The following NME8 variants were observed in gnomAD, a reference collection of about 807,000 sequenced individuals.
NME8 encodes NME/NM23 family member 8.
Under a neutral mutation model 82.3 loss-of-function variants are expected in NME8, and 72 were observed. That is an observed-to-expected ratio of 0.87 (90% confidence interval 0.72 to 1.06). The LOEUF (loss-of-function observed/expected upper bound fraction) is 1.06, where lower values mean the gene tolerates loss of function less well. Ranked by LOEUF, NME8 falls within the 50% of genes least tolerant of loss-of-function variation. The pLI is 0.00. For synonymous variants in NME8, 267 were observed against 228.5 expected (o/e 1.17, Z -1.52); for missense variants, 712 against 685.4 (o/e 1.04, Z -0.43).
At chr7:37,868,105 G>A (rs546530109) in intron 11 of NME8, among the ~76,000 whole-genome samples, 2 of 152,356 alleles carry the variant, frequency 1.3e-5, no homozygotes, top group Middle Eastern at 3.4e-3. Context: ...TAGTTGGCTT[G>A]TGGGTTGTAG....
intron 7 of NME8, among the ~76,000 whole-genome samples, chr7:37,862,982 T>G (rs1475239562): frequency 6.6e-6 from 1 of 151,976 alleles, no homozygotes; most frequent in Non-Finnish European, 1.5e-5. Flanking sequence ...TAGCCGGGCA[T>G]GGTGGCAGGT....
chr7:37,875,793 A>T (rs1357381751), intron 11 of NME8, among the ~76,000 whole-genome samples: 1 of 152,144 alleles, frequency 6.6e-6, no homozygotes, highest in East Asian at 1.9e-4. Flanking sequence ...CCACCAACAT[A>T]ACGGCTAAGT....
intron 15 of NME8, among the ~76,000 whole-genome samples, chr7:37,892,690 G>A (rs779971944): frequency 6.6e-6 from 1 of 151,828 alleles, no homozygotes; most frequent in Non-Finnish European, 1.5e-5. Flanking sequence ...TAGACACCTA[G>A]TTTATTTCTG....
chr7:37,867,805 C>G lies in NME8; in HGVS notation c.725C>G (p.Pro242Arg). 1 of 1,613,892 alleles carries G rather than the reference C, an allele frequency of 6.2e-7. No individual in the cohort carries two copies. ...KHNPPSEETE[P>R]QTDTEPNERS... ...AATCCTCCCTCTGAAGAAACCGAAC[C>G]ACAGACTGACACCGAACCTAACGAA... The change falls in exon 11 of 18, where the codon CCA (proline) becomes CGA (arginine). Residue 242 changes from proline (P) to arginine (R), a missense_variant. Pro to Arg is a moderately radical substitution (Grantham distance 103). Transcript: ENST00000199447.
chr7:37,852,821 A>G (rs1784455673), intron 5 of NME8, among the ~76,000 whole-genome samples: 1 of 152,226 alleles, frequency 6.6e-6, no homozygotes, highest in Non-Finnish European at 1.5e-5. Flanking sequence ...TTGTATGAAC[A>G]TACTACACTT....
intron 12 of NME8, among the ~76,000 whole-genome samples, chr7:37,878,791 C>A (rs887686199): frequency 4.8e-4 from 73 of 152,280 alleles, no homozygotes; most frequent in African/African-American, 1.7e-3. Flanking sequence ...CATATACCTG[C>A]TCCCTCCCAC....
At chr7:37,882,641 A>AAG (rs141008493) in intron 12 of NME8, among the ~76,000 whole-genome samples, 1 of 125,054 alleles carries the variant, frequency 8.0e-6, no homozygotes, top group South Asian at 2.7e-4. Flanking sequence ...GAAAGAAAGA[A>AAG]AGAGAAAGAA....
chr7:37,848,740 G>A lies in NME8; in HGVS notation c.-241+12G>A, dbSNP rs946612452. 2 of 152,322 alleles carry A rather than the reference G, an allele frequency of 1.3e-5. No individual in the cohort carries two copies. Among genetic ancestry groups the A allele is most frequent in the African/African-American group, 2.4e-5 (1 of 41,470 alleles). The allele number at this position is 152,322 out of a possible 1,614,324, so 9.4% of individuals were successfully genotyped here. On this transcript the variant is annotated intron_variant, in intron 1 of 17. Transcript: ENST00000199447. ...TCCCCACTGCCCAGGTATAGCTGCT[G>A]TCTGGAGCAGGGGCCTCGAGACGCC...
intron 11 of NME8, among the ~76,000 whole-genome samples, chr7:37,874,939 C>T (rs1346366164): frequency 1.3e-5 from 2 of 152,030 alleles, no homozygotes; most frequent in African/African-American, 2.4e-5. Flanking sequence ...ATTAATATCA[C>T]CAATAATGGG....
intron 12 of NME8, among the ~76,000 whole-genome samples, chr7:37,882,035 C>T (rs1434697907): frequency 6.6e-6 from 1 of 152,102 alleles, no homozygotes; most frequent in Non-Finnish European, 1.5e-5. Flanking sequence ...GTGGTTGTGG[C>T]TTGATTTATT....
At chr7:37,865,242 T>C (rs985726687) in intron 9 of NME8, among the ~76,000 whole-genome samples, 4 of 152,108 alleles carry the variant, frequency 2.6e-5, no homozygotes, top group African/African-American at 7.2e-5. Flanking sequence ...CTAGATACAA[T>C]AGGGGTGCAG....
intron 12 of NME8, among the ~76,000 whole-genome samples, chr7:37,881,650 T>C (rs7786614): frequency 0.47 from 71,105 of 151,976 alleles, 17,058 homozygotes; most frequent in East Asian, 0.74. Context: ...TTATGGTAAG[T>C]CTGGCCTCAT....
intron 15 of NME8, among the ~76,000 whole-genome samples, chr7:37,892,911 C>G (rs1361593589): frequency 1.3e-5 from 2 of 151,914 alleles, no homozygotes; most frequent in Non-Finnish European, 2.9e-5. Context: ...CTCCCTTCCT[C>G]TTTCTCTTTC....
intron 12 of NME8, among the ~76,000 whole-genome samples, chr7:37,880,602 T>A (rs1784929608): frequency 6.6e-6 from 1 of 152,302 alleles, no homozygotes; most frequent in South Asian, 2.1e-4. Flanking sequence ...GTTCTTCTCC[T>A]TCAATACTGT....
intron 16 of NME8, among the ~76,000 whole-genome samples, chr7:37,895,005 A>G (rs999340208): frequency 2.6e-5 from 4 of 152,068 alleles, no homozygotes; most frequent in Non-Finnish European, 4.4e-5. Context: ...TTGTTGCCTG[A>G]GTTTCCTTAT....
intron 11 of NME8, among the ~76,000 whole-genome samples, chr7:37,874,620 G>C (rs572240105): frequency 6.6e-6 from 1 of 151,816 alleles, no homozygotes; most frequent in Non-Finnish European, 1.5e-5. Flanking sequence ...GAAAAAAGAA[G>C]AAACCTCAAT....
intron 6 of NME8, among the ~76,000 whole-genome samples, chr7:37,857,964 A>AG (rs1784537864): frequency 6.6e-6 from 1 of 152,194 alleles, no homozygotes; most frequent in South Asian, 2.1e-4. Context: ...TGGGAGGCTG[A>AG]GGTGGGAGGA....
At chr7:37,852,109 C>G (rs1784446169) in intron 5 of NME8, among the ~76,000 whole-genome samples, 1 of 146,092 alleles carries the variant, frequency 6.8e-6, no homozygotes, top group Non-Finnish European at 1.5e-5. Flanking sequence ...AAGGAATTGA[C>G]TTTTTTTTTT....
At chr7:37,876,514 T>G (rs919298584) in intron 11 of NME8, among the ~76,000 whole-genome samples, 22 of 152,180 alleles carry the variant, frequency 1.4e-4, no homozygotes, top group African/African-American at 5.3e-4. Flanking sequence ...AATTAAAAAC[T>G]ATCTGGAAAG....
Sources: allele counts gnomAD v4.1 joint callset (sites outside exome capture counted in the v4.1 genomes callset), GRCh38; gene constraint gnomAD v4.1.1; transcripts MANE v1.5; gene names NCBI Gene and HGNC (gene_info 2026-07-23, HGNC 2026-07-21).